Variants in ATPAF1 observed in about 807,000 individuals in gnomAD.
ATPAF1 encodes ATP synthase mitochondrial F1 complex assembly factor 1, also known as homolog of yeast ATP11.
ATPAF1 carries 26 observed loss-of-function variants against 43.9 expected under a neutral mutation model. That is an observed-to-expected ratio of 0.59 (90% CI 0.43 to 0.82). ATPAF1 has a LOEUF of 0.82. Ranked by LOEUF, ATPAF1 falls within the 40% of genes least tolerant of loss-of-function variation. The pLI is 0.00. For missense variants in ATPAF1, 366 were observed against 435.0 expected (o/e 0.84, Z 1.41); for synonymous variants, 157 against 168.0 (o/e 0.93, Z 0.50).
chr1:46,667,085 T>C (rs1242096833), intron 1 of ATPAF1, among the ~76,000 whole-genome samples: 1 of 152,208 alleles, frequency 6.6e-6, no homozygotes, highest in Non-Finnish European at 1.5e-5. Flanking sequence ...ATTCATTTAC[T>C]GCATAACTGT....
chr1:46,651,111 C>G (rs566894146), intron 6 of ATPAF1, among the ~76,000 whole-genome samples: 1 of 152,240 alleles, frequency 6.6e-6, no homozygotes, highest in South Asian at 2.1e-4. Flanking sequence ...AACTCGTCAT[C>G]TAGCATTAGG....
intron 2 of ATPAF1, among the ~76,000 whole-genome samples, 168 bp from the exon 3 acceptor site, chr1:46,658,905 T>G (rs1214607594): frequency 6.6e-6 from 1 of 152,176 alleles, no homozygotes; most frequent in East Asian, 1.9e-4. Context: ...TTAAAAATTA[T>G]TGTTGGCTGG....
At chr1:46,667,734 A>T (rs1449852819) in intron 1 of ATPAF1, among the ~76,000 whole-genome samples, 1 of 152,144 alleles carries the variant, frequency 6.6e-6, no homozygotes, top group African/African-American at 2.4e-5. Context: ...TCCCTTCTCT[A>T]GAAGGCGTTT....
chr1:46,652,910 A>G (rs1459697766), intron 5 of ATPAF1, among the ~76,000 whole-genome samples: 1 of 152,172 alleles, frequency 6.6e-6, no homozygotes, highest in African/African-American at 2.4e-5. Context: ...AGTTTGAGGG[A>G]GAGGTAAGAA....
At chr1:46,637,054 G>T (rs940128337) in intron 8 of ATPAF1, among the ~76,000 whole-genome samples, 2 of 152,188 alleles carry the variant, frequency 1.3e-5, no homozygotes, top group African/African-American at 4.8e-5. Flanking sequence ...TACAGAAACT[G>T]CGAGGTAATA....
At chr1:46,665,423 A>G (rs1676472884) in intron 1 of ATPAF1, 59 bp from the exon 2 acceptor site, 1 of 1,532,612 alleles carries the variant, frequency 6.5e-7, no homozygotes, top group African/African-American at 1.4e-5. Flanking sequence ...CTAAAATAAC[A>G]AAGCATCACT....
intron 4 of ATPAF1, among the ~76,000 whole-genome samples, chr1:46,656,481 T>A (rs1260741322): frequency 6.6e-6 from 1 of 152,216 alleles, no homozygotes; most frequent in Non-Finnish European, 1.5e-5. Context: ...TGGCATAAGG[T>A]TGCTTTACCT....
chr1:46,635,842 G>A (rs1043972681), exon 9 of ATPAF1: 12 of 1,614,086 alleles, frequency 7.4e-6, no homozygotes, highest in Middle Eastern at 1.6e-4. Flanking sequence ...CCAATTCAGC[G>A]ATGACAGACA....
At chr1:46,652,601 G>A (rs925255113) in exon 6 of ATPAF1, 7 of 1,613,080 alleles carry the variant, frequency 4.3e-6, no homozygotes, top group Admixed American at 1.7e-5. Flanking sequence ...GACTGAGCCC[G>A]GTTCCAGATC....
intron 8 of ATPAF1, 129 bp from the exon 9 acceptor site, chr1:46,636,099 A>G (rs1354725811): frequency 4.0e-6 from 4 of 999,738 alleles, no homozygotes; most frequent in East Asian, 2.4e-5. Context: ...AACTTCTTGA[A>G]GTCCCTAGTC....
chr1:46,644,684 A>C (rs1434097943), intron 7 of ATPAF1, among the ~76,000 whole-genome samples: 1 of 152,058 alleles, frequency 6.6e-6, no homozygotes, highest in Admixed American at 6.6e-5. Flanking sequence ...ATAATATTTA[A>C]AAGTTAATAT....
chr1:46,662,720 C>T (rs150087104), intron 2 of ATPAF1, among the ~76,000 whole-genome samples: 45 of 152,318 alleles, frequency 3.0e-4, no homozygotes, highest in Middle Eastern at 3.4e-3. Context: ...AGCCACTGCG[C>T]CTGGCAACCC....
chr1:46,664,922 C>T (rs2218190), intron 2 of ATPAF1: 86,360 of 235,096 alleles, frequency 0.37, 18,668 homozygotes, highest in Non-Finnish European at 0.48. Context: ...TTAAATCCCC[C>T]ACAACGTTCC....
At position 46,658,676 on chromosome 1, in the gene ATPAF1, T is replaced by G; in HGVS notation, c.426+11A>C. Reference sequence around the variant, plus strand: ...TCAAGCTTTTTTTCCTATATTTAATTAGAAACCTACCTTGTCCTTAGTGAA... The same window carrying G: ...TCAAGCTTTTTTTCCTATATTTAATGAGAAACCTACCTTGTCCTTAGTGAA... On this transcript the variant is annotated intron_variant, in intron 3 of 8. Coordinates refer to ENST00000574428, the Ensembl canonical transcript of ATPAF1. 6.3e-7 allele frequency: 1 copy of G among 1,584,544 alleles called. No homozygotes were observed. The highest frequency in any genetic ancestry group is 1.9e-5 in the Admixed American group (1 of 53,814).
chr1:46,645,116 A>T, intron 7 of ATPAF1, 45 bp downstream of exon 7: 1 of 1,500,312 alleles, frequency 6.7e-7, no homozygotes, highest in Non-Finnish European at 9.3e-7. Context: ...AGTCCTACCA[A>T]GGGGTAGTCC....
At chr1:46,651,739 C>T (rs1033766839) in intron 6 of ATPAF1, among the ~76,000 whole-genome samples, 2 of 152,132 alleles carry the variant, frequency 1.3e-5, no homozygotes, top group African/African-American at 4.8e-5. Flanking sequence ...TCAGAGTGAA[C>T]AGGCAACCTA....
intron 2 of ATPAF1, among the ~76,000 whole-genome samples, chr1:46,662,775 T>C (rs541786223): frequency 6.6e-6 from 1 of 152,330 alleles, no homozygotes; most frequent in East Asian, 1.9e-4. Context: ...AGTCATTTTA[T>C]TTTATTTTTT....
At chr1:46,634,008 C>A (rs1675793488), downstream of ATPAF1, 1 of 365,614 alleles carries the variant, frequency 2.7e-6, no homozygotes, top group Non-Finnish European at 5.3e-6. Flanking sequence ...CCAGAATTTA[C>A]ATTAGTTAAC....
At chr1:46,643,961 TTCC>T (rs1254908229) in intron 7 of ATPAF1, among the ~76,000 whole-genome samples, 1 of 152,164 alleles carries the variant, frequency 6.6e-6, no homozygotes, top group Non-Finnish European at 1.5e-5. Context: ...CAAAAGAAGA[TTCC>T]TAGACTTTAT....
Sources: gnomAD v4.1 joint callset for allele counts (sites outside exome capture counted in the v4.1 genomes callset) on GRCh38, gnomAD v4.1.1 for gene constraint, MANE v1.5 for transcripts, NCBI Gene and HGNC (gene_info 2026-07-23, HGNC 2026-07-21) for gene names.